Variants in COL22A1 observed in about 807,000 individuals in gnomAD.
The protein encoded by COL22A1 is collagen alpha-1(XXII) chain.
In COL22A1, 221 loss-of-function variants were observed where a neutral mutation model predicts 248.9. The observed-to-expected ratio is 0.89, with a 90% CI of 0.80 to 0.99. The LOEUF (loss-of-function observed/expected upper bound fraction) is 0.99, where lower values mean the gene tolerates loss of function less well. Among genes scored for constraint, COL22A1 ranks in the 50% least tolerant of loss-of-function variants. The probability of loss-of-function intolerance (pLI) is 0.00; values close to 1 mark genes in which losing one functional copy is unlikely to be tolerated. For synonymous variants in COL22A1, 891 were observed against 793.4 expected (o/e 1.12, Z -2.07); for missense variants, 2,240 against 2,179.0 (o/e 1.03, Z -0.56).
At chr8:138,726,307 A>G (rs1159349881) in intron 23 of COL22A1, among the ~76,000 whole-genome samples, 1 of 151,974 alleles carries the variant, frequency 6.6e-6, no homozygotes, top group Admixed American at 6.6e-5. Context: ...GACTGGGCAA[A>G]ATAGCAAGAC....
At position 138,694,850 on chromosome 8, in the gene COL22A1, G is replaced by T. The variant is rs150534962; in HGVS notation, c.2622C>A (p.Gly874=). 2 of 1,613,920 alleles carry T rather than the reference G, an allele frequency of 1.2e-6. No individual in the cohort carries two copies. Among genetic ancestry groups the T allele is most frequent in the Admixed American group, 3.3e-5 (2 of 59,992 alleles). Residue 874 remains glycine, a synonymous_variant, in exon 33 of 65, where the codon GGC becomes GGA. Transcript: ENST00000303045. ...CCGGTTCCCCAGGCAGGCCTGGATC[G>T]CCCTTCTCTCCTTTGGGCCCTTGTT... ...PGEQGPKGEK[G]DPGLPGEPGL... is the part of the protein sequence containing the mutation.
At chr8:138,775,328 C>T (rs1241028681) in intron 16 of COL22A1, among the ~76,000 whole-genome samples, 1 of 152,178 alleles carries the variant, frequency 6.6e-6, no homozygotes, top group African/African-American at 2.4e-5. Context: ...CCAGGGGAAC[C>T]ATGAACCGGC....
intron 3 of COL22A1, among the ~76,000 whole-genome samples, chr8:138,870,352 G>T (rs1823233147): frequency 6.6e-6 from 1 of 151,688 alleles, no homozygotes; most frequent in African/African-American, 2.4e-5. Context: ...GTGGTGTGTA[G>T]TGTGTATGTG....
intron 41 of COL22A1, among the ~76,000 whole-genome samples, chr8:138,667,311 C>G (rs1564168090): frequency 6.6e-6 from 1 of 152,108 alleles, no homozygotes; most frequent in East Asian, 1.9e-4. Context: ...AATGACTGAT[C>G]AGAGACCTGG....
chr8:138,598,073 G>T (rs1490160806), intron 61 of COL22A1, among the ~76,000 whole-genome samples: 1 of 152,234 alleles, frequency 6.6e-6, no homozygotes, highest in East Asian at 1.9e-4. Context: ...TGGTCACATG[G>T]ACTTCCACCA....
At chr8:138,598,003 T>C (rs1587633001) in intron 61 of COL22A1, among the ~76,000 whole-genome samples, 1 of 152,170 alleles carries the variant, frequency 6.6e-6, no homozygotes. Context: ...CATCCAGACC[T>C]GGGCTCTGAG....
rs35023865 is a variant in COL22A1, at chr8:138,902,739, T to TACACACACAC, written c.-73+10870_-73+10879dup. Among the ~76,000 whole-genome samples the TACACACACAC allele has an allele frequency of 3.7e-3, 347 of 93,860 alleles. 2 individuals are homozygous for TACACACACAC. The highest frequency in any genetic ancestry group is 0.012 in the African/African-American group (269 of 22,078). 61.6% of individuals were successfully genotyped at this position (93,860 alleles called of 152,430 possible). Reference sequence around the variant, plus strand: ...AAAAATTTATAAATATATATATATATACACACACACACACACACACACACA... The same window carrying TACACACACAC: ...AAAAATTTATAAATATATATATATATACACACACACACACACACACACACACACACACACA... On this transcript the variant is annotated intron_variant, in intron 1 of 64. Transcript: ENST00000303045.
At chr8:138,844,469 C>T (rs1821091652) in intron 3 of COL22A1, among the ~76,000 whole-genome samples, 1 of 152,196 alleles carries the variant, frequency 6.6e-6, no homozygotes, top group African/African-American at 2.4e-5. Context: ...ATATTAACAA[C>T]ATAGCGGAAT....
rs148602746 is a variant in COL22A1 at position 138,773,283 on chromosome 8, A to G, written c.1803+2683T>C. Among the ~76,000 whole-genome samples the G allele has an allele frequency of 7.8e-3, 1,187 of 152,272 alleles. 9 individuals carry two copies. Among genetic ancestry groups the G allele is most frequent in the Non-Finnish European group, 0.011 (781 of 68,016 alleles). ...CAAATGGAGAAGCCACCGCCTTCCC[A>G]GGCTGATCCCGGCTTCTGGCTGCCC... On this transcript the variant is annotated intron_variant, in intron 16 of 64. Coordinates refer to ENST00000303045, the MANE Select transcript of COL22A1 (RefSeq NM_152888.3).
At chr8:138,850,890 G>A (rs1821591721) in intron 3 of COL22A1, among the ~76,000 whole-genome samples, 1 of 152,168 alleles carries the variant, frequency 6.6e-6, no homozygotes, top group Non-Finnish European at 1.5e-5. Flanking sequence ...CATGAAACCT[G>A]GCATCTAGTA....
At chr8:138,841,943 T>C (rs1433935351) in intron 4 of COL22A1, among the ~76,000 whole-genome samples, 1 of 152,128 alleles carries the variant, frequency 6.6e-6, no homozygotes, top group African/African-American at 2.4e-5. Flanking sequence ...AGAGAGTAAC[T>C]TTTGATGGTT....
intron 48 of COL22A1, among the ~76,000 whole-genome samples, chr8:138,636,380 G>A (rs1402656712): frequency 2.0e-5 from 3 of 151,312 alleles, no homozygotes; most frequent in African/African-American, 4.9e-5. Context: ...AGTTAATTGA[G>A]ATGATGGGAG....
intron 7 of COL22A1, among the ~76,000 whole-genome samples, chr8:138,819,955 G>A (rs1377563900): frequency 1.3e-5 from 2 of 151,990 alleles, no homozygotes; most frequent in Non-Finnish European, 2.9e-5. Context: ...CATAAGTAAA[G>A]TGCATGGAGA....
In COL22A1 at chr8:138,676,594, G is replaced by A; in HGVS notation, c.3114C>T (p.Ser1038=). 6.4e-7 allele frequency: 1 copy of A among 1,568,762 alleles called. No individual in the cohort carries two copies. Among genetic ancestry groups the A allele is most frequent in the Non-Finnish European group, 8.7e-7 (1 of 1,155,906 alleles). ...CAACCCCAATGCCTGGGTCACCACG[G>A]CTGCCAGGAGAACCAGGGATCCCAG... is the stretch of plus-strand genomic sequence containing the variant. ...GAPGIPGSPG[S]RGDPGIGVAG... The change falls in exon 41 of 65, where the codon AGC becomes AGT. Residue 1038 remains serine, a synonymous_variant. Coordinates refer to ENST00000303045, the MANE Select transcript of COL22A1 (RefSeq NM_152888.3).
chr8:138,873,191 A>T (rs1823471153), intron 3 of COL22A1, among the ~76,000 whole-genome samples: 1 of 152,228 alleles, frequency 6.6e-6, no homozygotes, highest in African/African-American at 2.4e-5. Flanking sequence ...GCCATCAACC[A>T]TAAAACAGCC....
At chr8:138,881,565 G>C (rs915755817) in intron 2 of COL22A1, among the ~76,000 whole-genome samples, 9 of 152,276 alleles carry the variant, frequency 5.9e-5, no homozygotes, top group African/African-American at 2.2e-4. Flanking sequence ...GGCGCCTGTA[G>C]TCCCAGCTAT....
chr8:138,769,650 G>A (rs1187248224), intron 16 of COL22A1, among the ~76,000 whole-genome samples: 1 of 152,192 alleles, frequency 6.6e-6, no homozygotes, highest in Non-Finnish European at 1.5e-5. Flanking sequence ...ATCTCGAGCT[G>A]CCAAGTGGCT....
intron 30 of COL22A1, among the ~76,000 whole-genome samples, chr8:138,714,429 G>A (rs1336696401): frequency 6.6e-6 from 1 of 152,126 alleles, no homozygotes; most frequent in Non-Finnish European, 1.5e-5. Context: ...AGAGAAGGAC[G>A]GGATGAGATG....
intron 35 of COL22A1, among the ~76,000 whole-genome samples, chr8:138,691,845 TGTGTGTGCACGTGC>T (rs1826971040): frequency 8.6e-6 from 1 of 115,780 alleles, no homozygotes; most frequent in African/African-American, 3.2e-5. Context: ...TATGTGGAGG[TGTGTGTGCACGTGC>T]GTGTGTGCAT....
Sources: allele counts gnomAD v4.1 joint callset (sites outside exome capture counted in the v4.1 genomes callset), GRCh38; gene constraint gnomAD v4.1.1; transcripts MANE v1.5; gene names NCBI Gene and HGNC (gene_info 2026-07-23, HGNC 2026-07-21).